Variants in DROSHA observed in about 807,000 individuals in gnomAD.
The protein encoded by DROSHA is drosha ribonuclease III.
Under a neutral mutation model 181.9 loss-of-function variants are expected in DROSHA, and 56 were observed. That is an observed-to-expected ratio of 0.31 (90% CI 0.25 to 0.38). The LOEUF is 0.38. Ranked by LOEUF, DROSHA falls within the 10% of genes least tolerant of loss-of-function variation. DROSHA has a pLI of 1.00. For synonymous variants in DROSHA, 524 were observed against 591.2 expected (o/e 0.89, Z 1.65); for missense variants, 1,218 against 1,743.5 (o/e 0.70, Z 5.37).
intron 17 of DROSHA, 101 bp downstream of exon 17, chr5:31,471,962 T>A: frequency 8.9e-7 from 1 of 1,124,078 alleles, no homozygotes; most frequent in Non-Finnish European, 1.2e-6. Context: ...GAGCAGTGAC[T>A]ACCTAAAACT....
rs73066334 is a variant in DROSHA, at chr5:31,530,546, A to C, written c.-47+252T>G. On this transcript the variant is annotated intron_variant, in intron 3 of 35. Coordinates refer to ENST00000344624, the MANE Select transcript of DROSHA (RefSeq NM_001382508.1). Reference sequence around the variant, plus strand: ...CTTTGCTCCCGTTCTCCTCTCTAAAATCTCCCACCCTAGGCAGAGGTTGCA... The same window carrying C: ...CTTTGCTCCCGTTCTCCTCTCTAAACTCTCCCACCCTAGGCAGAGGTTGCA... 5.4e-3 allele frequency among the ~76,000 whole-genome samples: 801 copies of C among 149,234 alleles called. 13 individuals are homozygous for C. The highest frequency in any genetic ancestry group is 0.019 in the African/African-American group (755 of 40,528).
At chr5:31,405,766 T>A in intron 34 of DROSHA, 43 bp from the exon 35 acceptor site, 5 of 895,846 alleles carry the variant, frequency 5.6e-6, no homozygotes, top group Non-Finnish European at 7.9e-6. Context: ...ATTTCAAGAT[T>A]CTTTTTTTTT....
At chr5:31,405,768 T>TA in intron 34 of DROSHA, 45 bp from the exon 35 acceptor site, 1 of 266,950 alleles carries the variant, frequency 3.7e-6, no homozygotes, top group Non-Finnish European at 5.1e-6. Flanking sequence ...TTCAAGATTC[T>TA]TTTTTTTTTT....
intron 20 of DROSHA, among the ~76,000 whole-genome samples, chr5:31,463,620 T>C (rs2150024121): frequency 6.6e-6 from 1 of 152,258 alleles, no homozygotes; most frequent in East Asian, 1.9e-4. Context: ...ACAGAATATG[T>C]TGGTTTAGGG....
intron 15 of DROSHA, among the ~76,000 whole-genome samples, chr5:31,484,000 TAA>T (rs11341914): frequency 2.7e-5 from 4 of 150,838 alleles, no homozygotes; most frequent in Non-Finnish European, 5.9e-5. Flanking sequence ...ATCACTACAC[TAA>T]AAAAAAAATG....
Position 31,424,393 on chromosome 5 carries a change from T to A in DROSHA, c.3261+34A>T, listed in dbSNP as rs561372899. The A allele has an allele frequency of 2.5e-6, 4 of 1,587,080 alleles. No individual in the cohort carries two copies. The South Asian group carries it at 3.5e-5, about 14-fold the overall frequency. ...AAAGTAACATGAATAGCTGGAGTTA[T>A]AAAGCTCACTGCAGACAGGGAGGTC... On this transcript the variant is annotated intron_variant, in intron 28 of 35. Transcript: ENST00000344624.
In DROSHA at chr5:31,401,255, G is replaced by A; in HGVS notation, c.*177C>T. The A allele has an allele frequency of 1.2e-6, 1 of 835,026 alleles. No homozygotes were observed. Among genetic ancestry groups the A allele is most frequent in the South Asian group, 1.5e-5 (1 of 68,658 alleles). 51.7% of individuals were successfully genotyped at this position (835,026 alleles called of 1,614,324 possible). On this transcript the variant is annotated 3_prime_UTR_variant, in exon 36 of 36. Coordinates refer to ENST00000344624, the MANE Select transcript of DROSHA (RefSeq NM_001382508.1). ...AAATAGAAGAAAAATCTAATACTTT[G>A]TAATAAAGACCATCCAGCTAAAAAC...
intron 30 of DROSHA, among the ~76,000 whole-genome samples, chr5:31,412,369 A>G (rs557978984): frequency 6.6e-6 from 1 of 152,334 alleles, no homozygotes; most frequent in East Asian, 1.9e-4. Flanking sequence ...GGGACGAGGA[A>G]CAGGAAGCAG....
At chr5:31,511,814 T>C (rs1738713104) in intron 8 of DROSHA, among the ~76,000 whole-genome samples, 1 of 151,990 alleles carries the variant, frequency 6.6e-6, no homozygotes, top group Non-Finnish European at 1.5e-5. Context: ...TCAAATACCC[T>C]CATAGGGAAT....
At chr5:31,446,173 G>A (rs774332435) in intron 23 of DROSHA, among the ~76,000 whole-genome samples, 18 of 152,178 alleles carry the variant, frequency 1.2e-4, no homozygotes, top group East Asian at 1.9e-4. Flanking sequence ...CAGGCCGGGC[G>A]TGGTGGCTCA....
chr5:31,518,535 A>C (rs1267602697), intron 6 of DROSHA, among the ~76,000 whole-genome samples: 1 of 152,150 alleles, frequency 6.6e-6, no homozygotes, highest in Non-Finnish European at 1.5e-5. Context: ...AGTCCTTTTT[A>C]CTTAAAAGGC....
In DROSHA at chr5:31,470,783, C is replaced by T. The variant is rs1300540244; in HGVS notation, c.2241+1280G>A. ...ACCATGGAAGGAAGTCCAGGGTGAACGTGCTCCCCCCGTGTCTACCACAGA... is the reference window on the plus strand; with the variant it reads ...ACCATGGAAGGAAGTCCAGGGTGAATGTGCTCCCCCCGTGTCTACCACAGA... On this transcript the variant is annotated intron_variant, in intron 17 of 35. Coordinates refer to ENST00000344624, the MANE Select transcript of DROSHA (RefSeq NM_001382508.1). The surrounding 1 kb of genome is among the most constrained non-coding windows in gnomAD (Gnocchi z 4.0). 3.3e-5 allele frequency among the ~76,000 whole-genome samples: 5 copies of T among 152,022 alleles called. 1 individual carries two copies. In the South Asian group the frequency reaches 6.2e-4, roughly 19 times the overall value.
At chr5:31,484,138 G>C (rs904587589) in intron 15 of DROSHA, among the ~76,000 whole-genome samples, 2 of 151,996 alleles carry the variant, frequency 1.3e-5, no homozygotes, top group Non-Finnish European at 2.9e-5. Flanking sequence ...TTGGGAGGCC[G>C]AGGCAGGCGG....
rs17409275 is a variant in DROSHA, at chr5:31,514,020, C to T, written c.1290+968G>A. On this transcript the variant is annotated intron_variant, in intron 8 of 35. Coordinates refer to ENST00000344624, the MANE Select transcript of DROSHA (RefSeq NM_001382508.1). The surrounding 1 kb of genome is among the most constrained non-coding windows in gnomAD (Gnocchi z 4.4). ...GTGGAGTCTGTCATGGCAATGAGCA[C>T]GCCGGCTGTAGCACCACAGGCGCCC... Among the ~76,000 whole-genome samples the T allele has an allele frequency of 0.34, 51,433 of 151,738 alleles. 10,152 individuals carry two copies. Among genetic ancestry groups the T allele is most frequent in the Non-Finnish European group, 0.45 (30,644 of 67,814 alleles).
intron 12 of DROSHA, 65 bp from the exon 13 acceptor site, chr5:31,493,358 CCAT>C: frequency 7.0e-7 from 1 of 1,420,970 alleles, no homozygotes; most frequent in Non-Finnish European, 9.6e-7. Context: ...ATGCAGAAAT[CCAT>C]CAGGACAGAA....
intron 34 of DROSHA, 42 bp from the exon 35 acceptor site, chr5:31,405,765 T>TAA: frequency 9.9e-7 from 1 of 1,011,966 alleles, no homozygotes; most frequent in Non-Finnish European, 1.4e-6. Context: ...AATTTCAAGA[T>TAA]TCTTTTTTTT....
At chr5:31,408,271 A>T (rs1282565520) in intron 33 of DROSHA, among the ~76,000 whole-genome samples, 1 of 152,230 alleles carries the variant, frequency 6.6e-6, no homozygotes, top group African/African-American at 2.4e-5. Flanking sequence ...GTATGCATCC[A>T]CATGGGGTGA....
chr5:31,455,850 C>G (rs1286794534), intron 20 of DROSHA, among the ~76,000 whole-genome samples: 1 of 152,096 alleles, frequency 6.6e-6, no homozygotes, highest in Non-Finnish European at 1.5e-5. Context: ...CCATGTTGCC[C>G]AGGCTGGTCT....
chr5:31,492,538 T>C (rs2150042745), intron 13 of DROSHA, among the ~76,000 whole-genome samples: 1 of 152,360 alleles, frequency 6.6e-6, no homozygotes, highest in South Asian at 2.1e-4. Context: ...CTGTACTGGG[T>C]CAAGTACACT....
Sources: allele counts gnomAD v4.1 joint callset (sites outside exome capture counted in the v4.1 genomes callset), GRCh38; gene constraint gnomAD v4.1.1; non-coding constraint Gnocchi (gnomAD v3.1); transcripts MANE v1.5; gene names NCBI Gene and HGNC (gene_info 2026-07-23, HGNC 2026-07-21).